The following BCKDHB variants were observed in gnomAD, a reference collection of about 807,000 sequenced individuals.
BCKDHB encodes 2-oxoisovalerate dehydrogenase subunit beta, mitochondrial.
BCKDHB carries 41 observed loss-of-function variants against 48.5 expected under a neutral mutation model. That is an observed-to-expected ratio of 0.85 (90% CI 0.66 to 1.10). The LOEUF (loss-of-function observed/expected upper bound fraction) is 1.10, where lower values mean the gene tolerates loss of function less well. Among genes scored for constraint, BCKDHB ranks in the 50% least tolerant of loss-of-function variants. BCKDHB has a pLI of 0.00. For missense variants in BCKDHB, 496 were observed against 494.2 expected (o/e 1.00, Z -0.03); for synonymous variants, 201 against 174.8 (o/e 1.15, Z -1.18).
chr6:80,267,213 G>C (rs1777550103), intron 8 of BCKDHB, among the ~76,000 whole-genome samples: 1 of 152,070 alleles, frequency 6.6e-6, no homozygotes, highest in African/African-American at 2.4e-5. Flanking sequence ...TCTATACAGT[G>C]CTGTGCTATG....
At chr6:80,363,696 G>T in the BCKDHB span, among the ~76,000 whole-genome samples, 1 of 152,272 alleles carries the variant, frequency 6.6e-6, no homozygotes, top group African/African-American at 2.4e-5. Context: ...GATTACAAAA[G>T]AAATGTCCAT....
intron 9 of BCKDHB, among the ~76,000 whole-genome samples, chr6:80,293,442 G>A (rs1219709053): frequency 4.6e-5 from 7 of 152,184 alleles, no homozygotes; most frequent in Non-Finnish European, 1.0e-4. Context: ...CAGCTGGAGT[G>A]GCTAGAATGC....
intron 6 of BCKDHB, among the ~76,000 whole-genome samples, chr6:80,195,392 A>G (rs1774085743): frequency 6.6e-6 from 1 of 152,162 alleles, no homozygotes; most frequent in Admixed American, 6.5e-5. Context: ...CATCAGTGCT[A>G]AAAGTAACAG....
At chr6:80,198,268 C>T (rs752668641) in intron 6 of BCKDHB, among the ~76,000 whole-genome samples, 2 of 152,106 alleles carry the variant, frequency 1.3e-5, no homozygotes, top group African/African-American at 4.8e-5. Flanking sequence ...TTAGCCCACC[C>T]CTCATTTAGA....
the BCKDHB span, among the ~76,000 whole-genome samples, chr6:80,465,168 G>A: frequency 6.6e-6 from 1 of 152,206 alleles, no homozygotes; most frequent in South Asian, 2.1e-4. Context: ...ATGTAGAAGA[G>A]ATGAGAGGAG....
the BCKDHB span, among the ~76,000 whole-genome samples, chr6:80,429,378 A>G: frequency 1.3e-5 from 2 of 152,160 alleles, no homozygotes; most frequent in Non-Finnish European, 2.9e-5. Context: ...TTCCATATGA[A>G]ATTTATAATA....
intron 1 of BCKDHB, 196 bp from the exon 2 acceptor site, chr6:80,127,351 A>T (rs1387397653): frequency 1.8e-6 from 1 of 568,148 alleles, no homozygotes; most frequent in Non-Finnish European, 3.1e-6. Flanking sequence ...ATATGGGTAA[A>T]TTTTGCCCCA....
At chr6:80,166,798 G>C (rs1667659502) in intron 3 of BCKDHB, among the ~76,000 whole-genome samples, 1 of 152,064 alleles carries the variant, frequency 6.6e-6, no homozygotes, top group Non-Finnish European at 1.5e-5. Flanking sequence ...CCAGTATATG[G>C]TCAATTGATG....
At chr6:80,320,077 T>A (rs1768641646) in intron 9 of BCKDHB, among the ~76,000 whole-genome samples, 1 of 152,208 alleles carries the variant, frequency 6.6e-6, no homozygotes, top group Non-Finnish European at 1.5e-5. Flanking sequence ...ATTCAGCTTT[T>A]ATAAAACCAT....
At chr6:80,106,955 G>A (rs971805810) in intron 1 of BCKDHB, 66 bp downstream of exon 1, 4 of 1,542,760 alleles carry the variant, frequency 2.6e-6, no homozygotes, top group African/African-American at 2.7e-5. Context: ...AGGCGCCCGC[G>A]AGGGGCAGGG....
chr6:80,148,584 C>T (rs767223963), intron 3 of BCKDHB, among the ~76,000 whole-genome samples: 7 of 152,124 alleles, frequency 4.6e-5, no homozygotes, highest in Non-Finnish European at 7.4e-5. Flanking sequence ...TCTTTGTTCT[C>T]ACTCTCCTTC....
chr6:80,205,329 T>C (rs969506523), intron 8 of BCKDHB, among the ~76,000 whole-genome samples: 7 of 152,054 alleles, frequency 4.6e-5, no homozygotes, highest in African/African-American at 1.7e-4. Context: ...TAGCTGTGTT[T>C]TATCAGTTGT....
chr6:80,441,713 T>G, the BCKDHB span, among the ~76,000 whole-genome samples: 1 of 152,174 alleles, frequency 6.6e-6, no homozygotes, highest in Non-Finnish European at 1.5e-5. Flanking sequence ...TGTCATCATG[T>G]TTGTTATTAA....
intron 6 of BCKDHB, among the ~76,000 whole-genome samples, chr6:80,193,333 G>A (rs1052950113): frequency 6.6e-6 from 1 of 151,988 alleles, no homozygotes; most frequent in Non-Finnish European, 1.5e-5. Flanking sequence ...GTTACTCAGT[G>A]ATAATAAGAA....
chr6:80,265,909 A>G lies in BCKDHB; in HGVS notation c.952-7226A>G, dbSNP rs148949661. Among the ~76,000 whole-genome samples, 731 of 152,244 alleles carry G rather than the reference A, an allele frequency of 4.8e-3. 7 individuals are homozygous for G. The highest frequency in any genetic ancestry group is 0.015 in the African/African-American group (642 of 41,558). On this transcript the variant is annotated intron_variant, in intron 8 of 9. Transcript: ENST00000320393. ...CTAAATTTGCCAAATACTGTGCAGT[A>G]ACTCTTGAACTCTCACTTTTTTATT...
At chr6:80,386,175 C>G in the BCKDHB span, among the ~76,000 whole-genome samples, 2 of 152,110 alleles carry the variant, frequency 1.3e-5, no homozygotes, top group Admixed American at 1.3e-4. Flanking sequence ...GCACCTGCAC[C>G]TTTGAAAAGC....
At chr6:80,451,194 G>A in the BCKDHB span, among the ~76,000 whole-genome samples, 1 of 152,090 alleles carries the variant, frequency 6.6e-6, no homozygotes, top group Admixed American at 6.5e-5. Flanking sequence ...CAATTTATTT[G>A]CAAAATAAAT....
chr6:80,462,083 T>C, the BCKDHB span, among the ~76,000 whole-genome samples: 1 of 152,170 alleles, frequency 6.6e-6, no homozygotes, highest in Non-Finnish European at 1.5e-5. Flanking sequence ...TTTCAAGGCA[T>C]AAAAGAAAAA....
At chr6:80,175,314 A>G (rs892425051) in intron 6 of BCKDHB, among the ~76,000 whole-genome samples, 3 of 152,202 alleles carry the variant, frequency 2.0e-5, no homozygotes, top group Non-Finnish European at 4.4e-5. Context: ...GGCCATGACC[A>G]CACCTAACCA....
Sources: allele counts gnomAD v4.1 joint callset (sites outside exome capture counted in the v4.1 genomes callset), GRCh38; gene constraint gnomAD v4.1.1; transcripts MANE v1.5; gene names NCBI Gene and HGNC (gene_info 2026-07-23, HGNC 2026-07-21).